NEK6: variants seen among roughly 807,000 people sequenced by gnomAD.
NEK6 encodes the protein serine/threonine-protein kinase Nek6.
Under a neutral mutation model 43.5 loss-of-function variants are expected in NEK6, and 27 were observed. That is an observed-to-expected ratio of 0.62 (90% CI 0.46 to 0.86). The LOEUF is 0.86. NEK6 is among the 40% of genes least tolerant of loss of function. The pLI, the probability that NEK6 is intolerant of heterozygous loss-of-function variation, is 0.00. For missense variants in NEK6, 318 were observed against 414.4 expected (o/e 0.77, Z 2.02); for synonymous variants, 167 against 164.1 (o/e 1.02, Z -0.14).
intron 1 of NEK6, among the ~76,000 whole-genome samples, chr9:124,283,834 G>A (rs551039077): frequency 2.0e-5 from 3 of 152,332 alleles, no homozygotes; most frequent in Admixed American, 6.5e-5. Context: ...TAGACTGCAC[G>A]CACATTTTCT....
intron 9 of NEK6, among the ~76,000 whole-genome samples, chr9:124,349,895 C>A (rs1661141851): frequency 6.6e-6 from 1 of 152,230 alleles, no homozygotes. Flanking sequence ...CGAGGGGATA[C>A]CCTAAGGCTC....
intron 7 of NEK6, among the ~76,000 whole-genome samples, chr9:124,331,722 C>T (rs1267568891): frequency 1.3e-5 from 2 of 152,194 alleles, no homozygotes; most frequent in East Asian, 1.9e-4. Flanking sequence ...TGCTGTGCTG[C>T]GTCTGTGCCC....
At chr9:124,321,654 A>G (rs2274781) in intron 5 of NEK6, 85 bp downstream of exon 5, 103,758 of 916,192 alleles carry the variant, frequency 0.11, 8,840 homozygotes, top group East Asian at 0.35. Context: ...CAGTCCCACA[A>G]TGCTCTGCCT....
intron 1 of NEK6, among the ~76,000 whole-genome samples, chr9:124,260,364 A>G (rs1437038226): frequency 6.6e-6 from 1 of 152,140 alleles, no homozygotes; most frequent in East Asian, 1.9e-4. Context: ...AAGTAGCACC[A>G]CGATAGATGG....
chr9:124,272,584 GGCTTTGCTTT>G (rs1398673307), intron 1 of NEK6, among the ~76,000 whole-genome samples: 1 of 152,232 alleles, frequency 6.6e-6, no homozygotes, highest in Non-Finnish European at 1.5e-5. Context: ...GGCCTCATCG[GGCTTTGCTTT>G]GCTTCAAGGT....
rs1475615827 is a variant in NEK6, at chr9:124,353,122, G to C, written c.*2175G>C. The C allele has an allele frequency of 6.3e-6, 1 of 159,176 alleles. No individual in the cohort carries two copies. Among genetic ancestry groups the C allele is most frequent in the African/African-American group, 2.4e-5 (1 of 41,564 alleles). 9.9% of individuals were successfully genotyped at this position (159,176 alleles called of 1,614,324 possible). On this transcript the variant is annotated 3_prime_UTR_variant, in exon 10 of 10. Transcript: ENST00000320246. ...GTTCTCAGAACTGAGCTGGGCTTGA[G>C]AACACAGCTTTGGCTTTGCCATTTT...
In NEK6 at chr9:124,350,882, A is replaced by T; in HGVS notation, c.877A>T (p.Arg293Ter). 6.2e-7 allele frequency: 1 copy of T among 1,612,750 alleles called. No individual in the cohort carries two copies. Among genetic ancestry groups the T allele is most frequent in the Non-Finnish European group, 8.5e-7 (1 of 1,179,988 alleles). ...GTGCATCTGCCCTGACCCCCACCAG[A>T]GACCTGACATCGGATACGTGCACCA... ...SMCICPDPHQ[R>*]PDIGYVHQVA... is the part of the protein sequence containing the mutation. The change falls in exon 10 of 10, where the codon AGA becomes TGA. Residue 293 changes from arginine to a stop codon, truncating the protein, a stop_gained. Transcript: ENST00000320246. LOFTEE classifies it high-confidence loss of function.
intron 1 of NEK6, chr9:124,263,081 C>T (rs1314834278): frequency 6.6e-6 from 1 of 152,220 alleles, no homozygotes; most frequent in Non-Finnish European, 1.5e-5. Context: ...TCTCTTGTTC[C>T]TTGTCCTCAA....
intron 2 of NEK6, among the ~76,000 whole-genome samples, chr9:124,304,641 C>T (rs1833165568): frequency 6.6e-6 from 1 of 152,162 alleles, no homozygotes; most frequent in Non-Finnish European, 1.5e-5. Flanking sequence ...CTAAAGGCCT[C>T]CGAGCTGGAT....
At chr9:124,277,664 T>C (rs1336314195) in intron 1 of NEK6, among the ~76,000 whole-genome samples, 1 of 152,252 alleles carries the variant, frequency 6.6e-6, no homozygotes, top group Non-Finnish European at 1.5e-5. Context: ...AGGAAAGTGT[T>C]GTCTTCCCTA....
intron 1 of NEK6, among the ~76,000 whole-genome samples, chr9:124,288,201 A>T (rs1451132524): frequency 1.3e-5 from 2 of 152,212 alleles, no homozygotes; most frequent in African/African-American, 4.8e-5. Context: ...TGTTGCAGGG[A>T]TATCGCTGTT....
chr9:124,305,008 C>G (rs2130814620), intron 2 of NEK6, among the ~76,000 whole-genome samples: 1 of 152,276 alleles, frequency 6.6e-6, no homozygotes, highest in South Asian at 2.1e-4. Flanking sequence ...CGTGAATTTC[C>G]AAGAAGGGGA....
intron 1 of NEK6, among the ~76,000 whole-genome samples, chr9:124,274,454 T>C (rs1050142262): frequency 6.6e-6 from 1 of 152,252 alleles, no homozygotes; most frequent in East Asian, 1.9e-4. Flanking sequence ...CCAGAGAGTG[T>C]AGACACTTGC....
chr9:124,342,827 C>T (rs981101546), intron 8 of NEK6, among the ~76,000 whole-genome samples: 2 of 152,242 alleles, frequency 1.3e-5, no homozygotes, highest in Non-Finnish European at 2.9e-5. Flanking sequence ...CACATAAACA[C>T]ACACACAGCA....
chr9:124,269,513 A>G (rs2118906145), intron 1 of NEK6, among the ~76,000 whole-genome samples: 1 of 152,022 alleles, frequency 6.6e-6, no homozygotes, highest in East Asian at 1.9e-4. Context: ...AGCTGGGATT[A>G]CAGGCACCCA....
chr9:124,329,333 G>A (rs566937902), intron 7 of NEK6, among the ~76,000 whole-genome samples: 2 of 152,332 alleles, frequency 1.3e-5, no homozygotes, highest in South Asian at 2.1e-4. Context: ...AGTCAGCACC[G>A]AGCCTTTCTC....
chr9:124,292,903 G>A (rs1245603677), intron 1 of NEK6: 3 of 1,498,836 alleles, frequency 2.0e-6, no homozygotes, highest in Admixed American at 4.7e-5. Context: ...GTGGAGCTGG[G>A]AGTGACGGGG....
chr9:124,284,556 G>A (rs1293433740), intron 1 of NEK6, among the ~76,000 whole-genome samples: 2 of 152,246 alleles, frequency 1.3e-5, no homozygotes, highest in East Asian at 1.9e-4. Flanking sequence ...TTTTCTGGGC[G>A]TTCAGCACAA....
chr9:124,317,789 C>A (rs1357611382), intron 4 of NEK6, among the ~76,000 whole-genome samples: 1 of 152,142 alleles, frequency 6.6e-6, no homozygotes, highest in Non-Finnish European at 1.5e-5. Flanking sequence ...AGATATGTTT[C>A]TGTGTTATTT....
Sources: gnomAD v4.1 joint callset for allele counts (sites outside exome capture counted in the v4.1 genomes callset) on GRCh38, gnomAD v4.1.1 for gene constraint, MANE v1.5 for transcripts, NCBI Gene and HGNC (gene_info 2026-07-23, HGNC 2026-07-21) for gene names.